Variants in STXBP4 observed in about 807,000 individuals in gnomAD.
The protein encoded by STXBP4 is syntaxin binding protein 4.
STXBP4 carries 55 observed loss-of-function variants against 76.1 expected under a neutral mutation model. The ratio of observed to expected loss-of-function variants is 0.72; its 90% CI spans 0.58 to 0.91. The LOEUF (loss-of-function observed/expected upper bound fraction) is 0.91. STXBP4 is among the 40% of genes least tolerant of loss of function. The probability of loss-of-function intolerance (pLI) is 0.00; values close to 1 mark genes in which losing one functional copy is unlikely to be tolerated. For synonymous variants in STXBP4, 201 were observed against 220.2 expected, an observed-to-expected ratio of 0.91 and a Z score of 0.77; for missense variants, 618 against 636.9, an observed-to-expected ratio of 0.97 and a Z score of 0.32.
chr17:55,011,514 T>C (rs533655741), intron 8 of STXBP4, among the ~76,000 whole-genome samples: 1 of 143,390 alleles, frequency 7.0e-6, no homozygotes, highest in Admixed American at 7.0e-5. Flanking sequence ...TTTTCTTTTT[T>C]TTTTTTTTTT....
At chr17:55,035,488 T>A (rs1002314642) in intron 10 of STXBP4, among the ~76,000 whole-genome samples, 1 of 151,884 alleles carries the variant, frequency 6.6e-6, no homozygotes, top group African/African-American at 2.4e-5. Flanking sequence ...TAACACATAA[T>A]TGTATGCTTG....
At chr17:55,132,405 G>T (rs992496397) in intron 16 of STXBP4, among the ~76,000 whole-genome samples, 2 of 151,998 alleles carry the variant, frequency 1.3e-5, no homozygotes, top group African/African-American at 4.8e-5. Flanking sequence ...TGGTCAGGCT[G>T]GTCTCAAACT....
intron 3 of STXBP4, among the ~76,000 whole-genome samples, chr17:54,989,490 A>T (rs2077681765): frequency 6.6e-6 from 1 of 152,202 alleles, no homozygotes; most frequent in Non-Finnish European, 1.5e-5. Context: ...ACACAACAAC[A>T]AAGTAGATTA....
chr17:55,118,986 A>AG (rs1444305812), intron 16 of STXBP4, among the ~76,000 whole-genome samples: 2 of 150,118 alleles, frequency 1.3e-5, no homozygotes, highest in South Asian at 2.1e-4. Context: ...TTTAAGTTCT[A>AG]GGTTACATGT....
chr17:54,968,865 C>G, intron 1 of STXBP4, 50 bp downstream of exon 1: 2 of 543,222 alleles, frequency 3.7e-6, no homozygotes, highest in Non-Finnish European at 6.6e-6. Context: ...CGCTTCTCGC[C>G]AGAACGTCTC....
chr17:54,999,272 G>T, intron 4 of STXBP4, 73 bp from the exon 5 acceptor site: 1 of 1,273,132 alleles, frequency 7.9e-7, no homozygotes, highest in Non-Finnish European at 1.1e-6. Context: ...ACTTTTCATT[G>T]CTTTAATTAC....
intron 4 of STXBP4, among the ~76,000 whole-genome samples, chr17:54,996,130 C>G (rs2077798071): frequency 6.6e-6 from 1 of 151,442 alleles, no homozygotes; most frequent in Non-Finnish European, 1.5e-5. Flanking sequence ...CAAAAAGACA[C>G]AACGATTAAG....
At chr17:55,119,918 T>C (rs1185575717) in intron 16 of STXBP4, among the ~76,000 whole-genome samples, 1 of 152,138 alleles carries the variant, frequency 6.6e-6, no homozygotes, top group Non-Finnish European at 1.5e-5. Context: ...CATATTGTGT[T>C]TCTATAGCTA....
At chr17:55,182,246 C>T in the STXBP4 span, among the ~76,000 whole-genome samples, 149 of 151,990 alleles carry the variant, frequency 9.8e-4, 3 homozygotes, top group East Asian at 5.0e-3. Flanking sequence ...AGATAAAAGA[C>T]GAAATTCGAG....
chr17:55,130,333 TAGAAA>T (rs2079960896), intron 16 of STXBP4, among the ~76,000 whole-genome samples: 1 of 152,204 alleles, frequency 6.6e-6, no homozygotes, highest in African/African-American at 2.4e-5. Flanking sequence ...TATGCAACAG[TAGAAA>T]ACTGTTGCTA....
At chr17:54,999,143 G>A (rs2077864692) in intron 4 of STXBP4, among the ~76,000 whole-genome samples, 1 of 152,000 alleles carries the variant, frequency 6.6e-6, no homozygotes, top group Non-Finnish European at 1.5e-5. Flanking sequence ...TGCAATACAT[G>A]AACCATTCCA....
chr17:55,007,709 T>C, intron 8 of STXBP4, 112 bp downstream of exon 8: 1 of 774,596 alleles, frequency 1.3e-6, no homozygotes, highest in Non-Finnish European at 2.1e-6. Context: ...AAGTTACTTA[T>C]TTACAATTAA....
chr17:55,012,611 G>A (rs143964562), intron 8 of STXBP4, among the ~76,000 whole-genome samples: 19 of 152,240 alleles, frequency 1.2e-4, no homozygotes, highest in African/African-American at 4.6e-4. Flanking sequence ...GGAGGACTAG[G>A]TGAGCATACT....
intron 4 of STXBP4, among the ~76,000 whole-genome samples, chr17:54,992,601 G>A (rs2077735607): frequency 6.6e-6 from 1 of 151,456 alleles, no homozygotes; most frequent in Non-Finnish European, 1.5e-5. Flanking sequence ...GTGTGAGTGT[G>A]TGTCTGTGTG....
intron 4 of STXBP4, among the ~76,000 whole-genome samples, chr17:54,997,940 T>C (rs2077843317): frequency 6.6e-6 from 1 of 151,942 alleles, no homozygotes; most frequent in Non-Finnish European, 1.5e-5. Context: ...TTTTAAATAA[T>C]GTTTACATTT....
chr17:55,157,062 A>G (rs2080285495), intron 17 of STXBP4, among the ~76,000 whole-genome samples: 1 of 152,200 alleles, frequency 6.6e-6, no homozygotes, highest in Admixed American at 6.5e-5. Context: ...CACATAGCAA[A>G]GCATACTACC....
intron 1 of STXBP4, among the ~76,000 whole-genome samples, chr17:54,978,902 T>C (rs985080311): frequency 2.0e-5 from 3 of 152,218 alleles, no homozygotes; most frequent in Non-Finnish European, 4.4e-5. Flanking sequence ...CTGTTGTTTT[T>C]TACCTAGACC....
intron 12 of STXBP4, among the ~76,000 whole-genome samples, chr17:55,049,028 G>A (rs1324003477): frequency 2.0e-5 from 3 of 151,948 alleles, no homozygotes; most frequent in Non-Finnish European, 2.9e-5. Context: ...AGCAACTTAT[G>A]AAGGCAATAG....
rs2080364374 is a variant in STXBP4, at chr17:55,164,458, T to TTTTTTTTTTTTC, written c.*4550_*4551insTTTTTTTTCTTT. The TTTTTTTTTTTTC allele has an allele frequency of 7.1e-6, 1 of 141,560 alleles. No homozygotes were observed. The highest frequency in any genetic ancestry group is 7.0e-5 in the Admixed American group (1 of 14,360). The allele number at this position is 141,560 out of a possible 1,614,324, so 8.8% of individuals were successfully genotyped here. A position where few individuals can be genotyped will look rare whatever the true frequency, so the allele number is the denominator to read the frequency against. ...TATTTCTTTTTTTTTTTTTTTTTTTTTTTGAGACGGAGTCTCGCTCTGTCG... is the reference window on the plus strand; with the variant it reads ...TATTTCTTTTTTTTTTTTTTTTTTTTTTTTTTTTTTTCTTTGAGACGGAGTCTCGCTCTGTCG... On this transcript the variant is annotated 3_prime_UTR_variant, in exon 18 of 18. Coordinates refer to ENST00000376352, the MANE Select transcript of STXBP4 (RefSeq NM_178509.6).
Sources: allele counts gnomAD v4.1 joint callset (sites outside exome capture counted in the v4.1 genomes callset), GRCh38; gene constraint gnomAD v4.1.1; transcripts MANE v1.5; gene names NCBI Gene and HGNC (gene_info 2026-07-23, HGNC 2026-07-21).